KMT5B: variants seen among roughly 807,000 people sequenced by gnomAD.
KMT5B encodes the protein histone-lysine N-methyltransferase KMT5B.
In KMT5B, 10 loss-of-function variants were observed where a neutral mutation model predicts 83.2. The observed-to-expected ratio is 0.12, with a 90% CI of 0.07 to 0.20. The LOEUF (loss-of-function observed/expected upper bound fraction) is 0.20, where lower values mean the gene tolerates loss of function less well. Ranked by LOEUF, KMT5B falls within the 10% of genes least tolerant of loss-of-function variation. KMT5B has a pLI of 1.00. For missense variants in KMT5B, 753 were observed against 1,067.2 expected (o/e 0.71, Z 4.10); for synonymous variants, 349 against 388.8 (o/e 0.90, Z 1.20).
At chr11:68,190,614 T>C (rs958878378) in intron 1 of KMT5B, among the ~76,000 whole-genome samples, 2 of 152,224 alleles carry the variant, frequency 1.3e-5, no homozygotes, top group Non-Finnish European at 2.9e-5. Context: ...AGCTAATGTT[T>C]GTGACCTGTG....
At chr11:68,202,280 T>C (rs1859531614) in intron 1 of KMT5B, among the ~76,000 whole-genome samples, 1 of 152,150 alleles carries the variant, frequency 6.6e-6, no homozygotes, top group South Asian at 2.1e-4. Flanking sequence ...AAAATAAACA[T>C]CTGTGACTTT....
At chr11:68,174,939 T>C (rs1856212359) in intron 5 of KMT5B, 79 bp downstream of exon 5, 2 of 1,269,424 alleles carry the variant, frequency 1.6e-6, no homozygotes, top group Admixed American at 2.3e-5. Context: ...AATTTCAGTA[T>C]TAACTAACAT....
intron 1 of KMT5B, among the ~76,000 whole-genome samples, chr11:68,212,376 ATG>A (rs1281446190): frequency 1.3e-5 from 2 of 152,232 alleles, no homozygotes; most frequent in Non-Finnish European, 2.9e-5. Flanking sequence ...CAAAGAACAC[ATG>A]TTCACCTCCC....
intron 1 of KMT5B, among the ~76,000 whole-genome samples, chr11:68,193,419 T>C (rs1291467785): frequency 6.6e-6 from 1 of 152,188 alleles, no homozygotes; most frequent in African/African-American, 2.4e-5. Context: ...AATTTTTACT[T>C]GATCTCAGGT....
intron 9 of KMT5B, among the ~76,000 whole-genome samples, chr11:68,170,388 T>C (rs1267760365): frequency 6.6e-6 from 1 of 152,136 alleles, no homozygotes; most frequent in Non-Finnish European, 1.5e-5. Flanking sequence ...CTGTACTGCC[T>C]TTGAGGGGAC....
intron 10 of KMT5B, chr11:68,166,738 G>C: frequency 1.5e-6 from 2 of 1,352,302 alleles, no homozygotes; most frequent in South Asian, 3.6e-5. Context: ...ATATGATGAA[G>C]AACTCATATC....
chr11:68,186,447 T>G (rs1343642521), intron 2 of KMT5B, among the ~76,000 whole-genome samples: 1 of 152,204 alleles, frequency 6.6e-6, no homozygotes, highest in Non-Finnish European at 1.5e-5. Context: ...TGCAGGCAAC[T>G]GAGGCCCAGA....
At chr11:68,205,617 G>A (rs372490236) in intron 1 of KMT5B, among the ~76,000 whole-genome samples, 174 of 149,406 alleles carry the variant, frequency 1.2e-3, no homozygotes, top group African/African-American at 4.1e-3. Context: ...TCAGACATTC[G>A]CAATTCTTTT....
intron 2 of KMT5B, among the ~76,000 whole-genome samples, chr11:68,187,713 C>A (rs981053300): frequency 2.6e-5 from 4 of 152,184 alleles, no homozygotes; most frequent in Admixed American, 2.6e-4. Flanking sequence ...GCTGTTCTAT[C>A]CATTATTAAA....
intron 10 of KMT5B, chr11:68,166,076 C>CTT (rs1435838367): frequency 7.9e-6 from 12 of 1,525,340 alleles, no homozygotes; most frequent in South Asian, 7.7e-5. Flanking sequence ...TAAGTGCCAA[C>CTT]AAAGGCATAC....
intron 9 of KMT5B, among the ~76,000 whole-genome samples, chr11:68,167,737 C>T (rs1341120434): frequency 2.0e-5 from 3 of 152,146 alleles, no homozygotes; most frequent in South Asian, 2.1e-4. Context: ...GATTTACAGG[C>T]GTGAGCCACA....
chr11:68,211,965 C>T (rs935596515), intron 1 of KMT5B, among the ~76,000 whole-genome samples: 3 of 152,184 alleles, frequency 2.0e-5, no homozygotes, highest in African/African-American at 7.2e-5. Flanking sequence ...ATTGCTAAAC[C>T]TTCAGATACA....
intron 1 of KMT5B, among the ~76,000 whole-genome samples, chr11:68,200,509 G>C (rs1239901026): frequency 6.6e-6 from 1 of 152,196 alleles, no homozygotes; most frequent in Non-Finnish European, 1.5e-5. Context: ...TGAGGAAGAC[G>C]GGGCTTTGCT....
chr11:68,172,196 G>A lies in KMT5B; in HGVS notation c.654-487C>T, dbSNP rs1005574236. ...ATTTTTTAGCAGCCACATTGAGAAA[G>A]TTAAGTGAATATAGGTGAAATTACT... On this transcript the variant is annotated intron_variant, in intron 6 of 10. Coordinates refer to ENST00000304363, the MANE Select transcript of KMT5B (RefSeq NM_017635.5). 1.2e-4 allele frequency among the ~76,000 whole-genome samples: 19 copies of A among 152,236 alleles called. 1 individual carries two copies. Among genetic ancestry groups the A allele is most frequent in the African/African-American group, 4.3e-4 (18 of 41,558 alleles).
Position 68,171,477 on chromosome 11 carries a change from A to G in KMT5B, c.820+66T>C. ...AGATAAAGGTTTGACTGAGGTTGAC[A>G]AGGCCATTCTAGCAGTTAGCAGGAA... On this transcript the variant is annotated intron_variant, in intron 7 of 10. Transcript: ENST00000304363. This position sits in a 1 kb window ranked among gnomAD's most constrained non-coding sequence, Gnocchi z 5.1. 1.3e-6 allele frequency: 2 copies of G among 1,515,608 alleles called. No homozygotes were observed. The highest frequency in any genetic ancestry group is 2.0e-5 in the Admixed American group (1 of 50,574). 93.9% of individuals were successfully genotyped at this position (1,515,608 alleles called of 1,614,324 possible). A position where few individuals can be genotyped will look rare whatever the true frequency, so the allele number is the denominator to read the frequency against.
chr11:68,178,630 G>A (rs561198098), intron 4 of KMT5B, among the ~76,000 whole-genome samples: 1 of 152,326 alleles, frequency 6.6e-6, no homozygotes, highest in Non-Finnish European at 1.5e-5. Flanking sequence ...AAATGGTTAA[G>A]GGTGCAGACA....
At chr11:68,194,364 G>T (rs1353636861) in intron 1 of KMT5B, among the ~76,000 whole-genome samples, 1 of 151,748 alleles carries the variant, frequency 6.6e-6, no homozygotes. Context: ...CCTAATTTTT[G>T]TATTTTTTAG....
At position 68,166,993 on chromosome 11, in the gene KMT5B, T is replaced by G; in HGVS notation, c.1163A>C (p.Lys388Thr). 6.2e-7 allele frequency: 1 copy of G among 1,614,072 alleles called. No individual in the cohort carries two copies. Among genetic ancestry groups the G allele is most frequent in the Admixed American group, 1.7e-5 (1 of 60,024 alleles). ...TCTCCCTTACTTACTTGCATTGTTTTTTTCCTGAGTGGTATCTGCATCAGT... is the reference window on the plus strand; with the variant it reads ...TCTCCCTTACTTACTTGCATTGTTTGTTTCCTGAGTGGTATCTGCATCAGT... ...SNTDADTTQEKNNATSNRKSS... is the reference protein window; with the variant it reads ...SNTDADTTQETNNATSNRKSS... Residue 388 changes from lysine (K) to threonine (T), a missense_variant, in exon 10 of 11, where the codon AAA becomes ACA. Lys to Thr is a moderately conservative substitution (Grantham distance 78). Transcript: ENST00000304363.
intron 5 of KMT5B, 145 bp from the exon 6 acceptor site, chr11:68,174,058 A>G: frequency 1.5e-6 from 1 of 687,492 alleles, no homozygotes; most frequent in Non-Finnish European, 2.6e-6. Flanking sequence ...GTCTCTACGA[A>G]AAACATTAGC....
Sources: allele counts gnomAD v4.1 joint callset (sites outside exome capture counted in the v4.1 genomes callset), GRCh38; gene constraint gnomAD v4.1.1; non-coding constraint Gnocchi (gnomAD v3.1); transcripts MANE v1.5; gene names NCBI Gene and HGNC (gene_info 2026-07-23, HGNC 2026-07-21).